The following CWF19L2 variants were observed in gnomAD, a reference collection of about 807,000 sequenced individuals.
CWF19L2 encodes the protein CWF19-like protein 2.
CWF19L2 carries 98 observed loss-of-function variants against 111.7 expected under a neutral mutation model. The ratio of observed to expected loss-of-function variants is 0.88; its 90% CI spans 0.75 to 1.04. CWF19L2 has a LOEUF of 1.04. Among genes scored for constraint, CWF19L2 ranks in the 50% least tolerant of loss-of-function variants. The probability of loss-of-function intolerance (pLI) is 0.00; values close to 1 mark genes in which losing one functional copy is unlikely to be tolerated. For synonymous variants in CWF19L2, 351 were observed against 342.9 expected (o/e 1.02, Z -0.26); for missense variants, 1,101 against 1,051.4 (o/e 1.05, Z -0.65).
chr11:107,342,486 A>G (rs1860019251), intron 14 of CWF19L2, among the ~76,000 whole-genome samples: 2 of 152,016 alleles, frequency 1.3e-5, no homozygotes, highest in Admixed American at 1.3e-4. Context: ...TTCTGTTATT[A>G]ATTTCTAGTT....
chr11:107,362,665 C>A (rs1468063369), intron 12 of CWF19L2, among the ~76,000 whole-genome samples: 2 of 151,488 alleles, frequency 1.3e-5, no homozygotes, highest in East Asian at 3.9e-4. Context: ...CACCAAAAAC[C>A]CATCTGTACA....
intron 11 of CWF19L2, 33 bp downstream of exon 11, chr11:107,392,746 G>C: frequency 7.7e-7 from 1 of 1,298,062 alleles, no homozygotes; most frequent in Non-Finnish European, 1.1e-6. Context: ...AAGGAATTCT[G>C]AATTAATAAA....
intron 12 of CWF19L2, among the ~76,000 whole-genome samples, chr11:107,378,011 A>C (rs1241014946): frequency 2.6e-5 from 4 of 152,004 alleles, no homozygotes; most frequent in Non-Finnish European, 2.9e-5. Flanking sequence ...AAAACACATG[A>C]AAAAATGCTC....
At chr11:107,429,511 C>T in intron 7 of CWF19L2, 60 bp from the exon 8 acceptor site, 1 of 1,304,336 alleles carries the variant, frequency 7.7e-7, no homozygotes, top group Non-Finnish European at 1.0e-6. Flanking sequence ...GTGACTTGCA[C>T]CCCACATGTC....
chr11:107,403,424 A>AG lies in CWF19L2; in HGVS notation c.1618-10530dup, dbSNP rs1861034740. On this transcript the variant is annotated intron_variant, in intron 10 of 17. Coordinates refer to ENST00000282251, the MANE Select transcript of CWF19L2 (RefSeq NM_152434.3). ...TTATTCTTTTTTCTCATCTTCTGGT[A>AG]GGGGATCTGTCGGTGGCTCTTCCAC... 3 of 758,378 alleles carry AG rather than the reference A, an allele frequency of 4.0e-6. No individual in the cohort carries two copies. The Admixed American group carries it at 5.2e-5, about 13-fold the overall frequency. 47.0% of individuals were successfully genotyped at this position (758,378 alleles called of 1,614,324 possible).
Position 107,353,510 on chromosome 11 carries a change from T to C in CWF19L2, c.2085+14A>G, listed in dbSNP as rs758014191. 2 of 1,599,468 alleles carry C rather than the reference T, an allele frequency of 1.3e-6. No individual in the cohort carries two copies. The highest frequency in any genetic ancestry group is 2.2e-5 in the South Asian group (2 of 90,592). ...CTATGAGAATGTAAGCAAAGGATAA[T>C]AAATACTTCTTACCTTAACACCTAT... On this transcript the variant is annotated intron_variant, in intron 13 of 17. Coordinates refer to ENST00000282251, the MANE Select transcript of CWF19L2 (RefSeq NM_152434.3).
chr11:107,396,727 AT>A (rs1425170324), intron 10 of CWF19L2, among the ~76,000 whole-genome samples: 1 of 152,126 alleles, frequency 6.6e-6, no homozygotes, highest in Non-Finnish European at 1.5e-5. Context: ...TGCATTGTGG[AT>A]TTTAGCTCCA....
chr11:107,380,046 C>CAAAAAA (rs66699460), intron 12 of CWF19L2, among the ~76,000 whole-genome samples: 786 of 34,488 alleles, frequency 0.023, 167 homozygotes, highest in Middle Eastern at 0.071. Flanking sequence ...GACACCGTCT[C>CAAAAAA]AAAAAAAAAA....
At chr11:107,359,358 G>A (rs1397773624) in intron 12 of CWF19L2, among the ~76,000 whole-genome samples, 1 of 152,196 alleles carries the variant, frequency 6.6e-6, no homozygotes, top group Non-Finnish European at 1.5e-5. Flanking sequence ...GGACAGAACA[G>A]TGAACTGTCC....
chr11:107,399,095 A>G (rs1402986756), intron 10 of CWF19L2, among the ~76,000 whole-genome samples: 1 of 152,168 alleles, frequency 6.6e-6, no homozygotes, highest in Non-Finnish European at 1.5e-5. Flanking sequence ...CCAAAACAGA[A>G]CCTCTTTAAA....
chr11:107,328,303 G>A (rs1057085925), intron 17 of CWF19L2, among the ~76,000 whole-genome samples: 4 of 152,148 alleles, frequency 2.6e-5, no homozygotes, highest in East Asian at 1.9e-4. Flanking sequence ...TCTCAGCATC[G>A]GTCCAAATAA....
At chr11:107,330,645 CACACACA>C (rs1859834361) in intron 16 of CWF19L2, among the ~76,000 whole-genome samples, 10 of 14,912 alleles carry the variant, frequency 6.7e-4, no homozygotes, top group African/African-American at 2.0e-3. Flanking sequence ...CCCCCCCCAC[CACACACA>C]CACACACACA....
chr11:107,337,477 AG>A (rs1859944445), intron 14 of CWF19L2, among the ~76,000 whole-genome samples: 1 of 151,998 alleles, frequency 6.6e-6, no homozygotes, highest in African/African-American at 2.4e-5. Flanking sequence ...TGAGTGGTCC[AG>A]GATGTCTGCA....
At chr11:107,349,425 C>T (rs908035031) in intron 13 of CWF19L2, among the ~76,000 whole-genome samples, 5 of 152,052 alleles carry the variant, frequency 3.3e-5, no homozygotes, top group African/African-American at 1.2e-4. Context: ...TTCACAAAAA[C>T]AAAAAGACAC....
intron 3 of CWF19L2, among the ~76,000 whole-genome samples, chr11:107,450,586 T>G (rs1267215053): frequency 6.6e-6 from 1 of 151,602 alleles, no homozygotes; most frequent in African/African-American, 2.4e-5. Flanking sequence ...AAGAAGAAAT[T>G]GATAGGCGAG....
At chr11:107,390,547 G>A (rs1351658164) in intron 11 of CWF19L2, among the ~76,000 whole-genome samples, 1 of 152,140 alleles carries the variant, frequency 6.6e-6, no homozygotes, top group Non-Finnish European at 1.5e-5. Context: ...TACCACTGTG[G>A]TGGGAAGACT....
intron 12 of CWF19L2, among the ~76,000 whole-genome samples, chr11:107,361,630 T>C (rs1308269786): frequency 6.6e-6 from 1 of 152,268 alleles, no homozygotes; most frequent in African/African-American, 2.4e-5. Flanking sequence ...TTCCATTTAT[T>C]TGTGTCATCT....
Position 107,329,982 on chromosome 11 carries a change from C to T in CWF19L2, c.2477G>A (p.Gly826Asp), listed in dbSNP as rs867657247. Residue 826 changes from glycine to aspartate, a missense_variant, in exon 17 of 18, where the codon GGC becomes GAC. Gly to Asp is a moderately conservative substitution (Grantham distance 94). Transcript: ENST00000282251. ...RGLPYFSVDFGLHGGFAHVIE... is the reference protein window; with the variant it reads ...RGLPYFSVDFDLHGGFAHVIE... Reference sequence around the variant, plus strand: ...GACATGGGCAAACCCTCCGTGAAGGCCAAAATCCACAGAGAAGTAAGGTAA... The same window carrying T: ...GACATGGGCAAACCCTCCGTGAAGGTCAAAATCCACAGAGAAGTAAGGTAA... 6 of 1,587,770 alleles carry T rather than the reference C, an allele frequency of 3.8e-6. No homozygotes were observed. The highest frequency in any genetic ancestry group is 5.1e-6 in the Non-Finnish European group (6 of 1,166,778).
intron 6 of CWF19L2, among the ~76,000 whole-genome samples, chr11:107,438,147 A>T (rs667198): frequency 0.18 from 26,851 of 152,154 alleles, 2,556 homozygotes; most frequent in Middle Eastern, 0.27. Context: ...ATAAAAATAC[A>T]TTATGTATAA....
Sources: gnomAD v4.1 joint callset for allele counts (sites outside exome capture counted in the v4.1 genomes callset) on GRCh38, gnomAD v4.1.1 for gene constraint, MANE v1.5 for transcripts, NCBI Gene and HGNC (gene_info 2026-07-23, HGNC 2026-07-21) for gene names.